The following GIGYF2 variants were observed in gnomAD, a reference collection of about 807,000 sequenced individuals.
GIGYF2 encodes GRB10 interacting GYF protein 2.
GIGYF2 carries 25 observed loss-of-function variants against 208.1 expected under a neutral mutation model. The observed-to-expected ratio is 0.12, with a 90% CI of 0.09 to 0.17. The LOEUF (loss-of-function observed/expected upper bound fraction) is 0.17. Ranked by LOEUF, GIGYF2 falls within the 10% of genes least tolerant of loss-of-function variation. The pLI is 1.00. For synonymous variants in GIGYF2, 534 were observed against 543.8 expected (o/e 0.98, Z 0.25); for missense variants, 1,302 against 1,579.4 (o/e 0.82, Z 2.98).
chr2:232,740,535 T>C (rs1316097493), intron 3 of GIGYF2, among the ~76,000 whole-genome samples: 2 of 152,252 alleles, frequency 1.3e-5, no homozygotes, highest in Non-Finnish European at 2.9e-5. Context: ...AAAATAGTTA[T>C]GGCCTTGTGG....
At chr2:232,769,029 T>A (rs566145583) in intron 8 of GIGYF2, among the ~76,000 whole-genome samples, 2 of 152,310 alleles carry the variant, frequency 1.3e-5, no homozygotes, top group East Asian at 3.9e-4. Context: ...TCAGAATAGA[T>A]AAGCAAAATG....
At chr2:232,718,436 T>C (rs1696794160) in intron 2 of GIGYF2, among the ~76,000 whole-genome samples, 1 of 152,216 alleles carries the variant, frequency 6.6e-6, no homozygotes, top group South Asian at 2.1e-4. Context: ...TATTTCATTA[T>C]ATGAGTATAC....
intron 8 of GIGYF2, chr2:232,770,822 A>G (rs1317660972): frequency 1.1e-6 from 1 of 913,970 alleles, no homozygotes; most frequent in Non-Finnish European, 1.8e-6. Flanking sequence ...CTTATAACTG[A>G]CTATACCCTT....
intron 6 of GIGYF2, among the ~76,000 whole-genome samples, chr2:232,759,651 T>C (rs149767577): frequency 6.6e-6 from 1 of 152,324 alleles, no homozygotes; most frequent in East Asian, 1.9e-4. Context: ...TTTATGTAGC[T>C]AATCCTTTAT....
intron 28 of GIGYF2, among the ~76,000 whole-genome samples, chr2:232,855,247 C>T: frequency 6.6e-6 from 1 of 152,068 alleles, no homozygotes; most frequent in African/African-American, 2.4e-5. Flanking sequence ...GCGCCACGCC[C>T]AGCTAATGTT....
intron 2 of GIGYF2, among the ~76,000 whole-genome samples, chr2:232,718,105 T>C (rs956800244): frequency 6.6e-6 from 1 of 152,220 alleles, no homozygotes; most frequent in Non-Finnish European, 1.5e-5. Context: ...GTTTGTTTTT[T>C]GAGACGAATT....
intron 6 of GIGYF2, among the ~76,000 whole-genome samples, chr2:232,759,015 A>C (rs1038862975): frequency 2.0e-5 from 3 of 152,214 alleles, no homozygotes; most frequent in Non-Finnish European, 4.4e-5. Flanking sequence ...CGTGCTTCTC[A>C]CTTCCGTTTG....
intron 8 of GIGYF2, chr2:232,766,006 C>T (rs1004969203): frequency 1.7e-5 from 8 of 470,976 alleles, no homozygotes; most frequent in Non-Finnish European, 3.1e-5. Context: ...TCCAGAAAGG[C>T]AGAGCAGCCA....
At chr2:232,830,296 C>T (rs1559156754) in intron 21 of GIGYF2, among the ~76,000 whole-genome samples, 1 of 152,058 alleles carries the variant, frequency 6.6e-6, no homozygotes, top group South Asian at 2.1e-4. Context: ...TATACCTGTT[C>T]TTTTTTTCGT....
intron 5 of GIGYF2, among the ~76,000 whole-genome samples, chr2:232,754,131 C>G (rs11688622): frequency 2.2e-4 from 33 of 150,886 alleles, no homozygotes; most frequent in Admixed American, 8.6e-4. Context: ...TGCCACTGCA[C>G]TCCAGCCTGG....
Position 232,847,677 on chromosome 2 carries a change from C to T in GIGYF2, c.3684+106C>T, listed in dbSNP as rs1191711363. On this transcript the variant is annotated intron_variant, in intron 27 of 28. Transcript: ENST00000373563. ...TACAAAGGTACCATTTTTGTATATC[C>T]AATAACCATGCTTTAAAAAATGTGT... The T allele has an allele frequency of 1.0e-5, 15 of 1,442,152 alleles. No individual in the cohort carries two copies. The Admixed American group carries it at 2.6e-4, about 25-fold the overall frequency. 89.3% of individuals were successfully genotyped at this position (1,442,152 alleles called of 1,614,324 possible). A position where few individuals can be genotyped will look rare whatever the true frequency, so the allele number is the denominator to read the frequency against.
At chr2:232,805,746 T>A in intron 14 of GIGYF2, among the ~76,000 whole-genome samples, 1 of 152,196 alleles carries the variant, frequency 6.6e-6, no homozygotes, top group East Asian at 1.9e-4. Flanking sequence ...CAGTGTTATT[T>A]GTTTTATATA....
intron 25 of GIGYF2, among the ~76,000 whole-genome samples, chr2:232,845,264 A>G (rs1701961450): frequency 2.6e-5 from 4 of 152,256 alleles, no homozygotes; most frequent in Non-Finnish European, 5.9e-5. Context: ...AATAAATGGT[A>G]GTGTTGTCAG....
chr2:232,734,130 T>A (rs891203509), intron 2 of GIGYF2, among the ~76,000 whole-genome samples: 12 of 147,260 alleles, frequency 8.1e-5, no homozygotes, highest in Admixed American at 4.7e-4. Context: ...TTTTTTTTTT[T>A]AAAGAGATGG....
chr2:232,729,760 T>G, intron 2 of GIGYF2: 1 of 751,538 alleles, frequency 1.3e-6, no homozygotes, highest in African/African-American at 1.7e-5. Flanking sequence ...CATCCCAAGG[T>G]TTCACATCTA....
At position 232,848,330 on chromosome 2, in the gene GIGYF2, C is replaced by T. The variant is rs528484986; in HGVS notation, c.3684+759C>T. On this transcript the variant is annotated intron_variant, in intron 27 of 28. Coordinates refer to ENST00000373563, the MANE Select transcript of GIGYF2 (RefSeq NM_001103146.3). ...AGGAACAACAACCAGTTCTTCAGCA[C>T]TATAGTTGAGGGCCACTTTACACAG... 2.1e-3 allele frequency among the ~76,000 whole-genome samples: 327 copies of T among 152,268 alleles called. 1 individual carries two copies. The highest frequency in any genetic ancestry group is 7.5e-3 in the African/African-American group (312 of 41,544).
chr2:232,792,010 A>G (rs985005675), intron 12 of GIGYF2, among the ~76,000 whole-genome samples: 2 of 152,170 alleles, frequency 1.3e-5, no homozygotes, highest in East Asian at 1.9e-4. Flanking sequence ...TGTCATTGTA[A>G]TGCCTGACGT....
intron 2 of GIGYF2, among the ~76,000 whole-genome samples, chr2:232,733,747 A>G (rs1697608914): frequency 6.6e-6 from 1 of 152,210 alleles, no homozygotes; most frequent in South Asian, 2.1e-4. Flanking sequence ...ACATACTTCT[A>G]TATACTTTAA....
In GIGYF2 at chr2:232,753,796, A is replaced by G. The variant is rs553604179; in HGVS notation, c.268-2427A>G. On this transcript the variant is annotated intron_variant, in intron 5 of 28. Transcript: ENST00000373563. The stretch of plus-strand genomic sequence containing the variant: ...TGGCCTCTCCGTGTTCCTAATTACA[A>G]GTATGCTCCATGTCTCTATATATTA... Among the ~76,000 whole-genome samples the G allele has an allele frequency of 8.5e-5, 13 of 152,260 alleles. No homozygotes were observed. In the East Asian group the frequency reaches 1.7e-3, roughly 20 times the overall value.
Sources: gnomAD v4.1 joint callset for allele counts (sites outside exome capture counted in the v4.1 genomes callset) on GRCh38, gnomAD v4.1.1 for gene constraint, MANE v1.5 for transcripts, NCBI Gene and HGNC (gene_info 2026-07-23, HGNC 2026-07-21) for gene names.